Variants in SPTBN1 observed in about 807,000 individuals in gnomAD.
The protein encoded by SPTBN1 is spectrin beta, non-erythrocytic 1, also known as spectrin beta chain, non-erythrocytic 1.
In SPTBN1, 32 loss-of-function variants were observed where a neutral mutation model predicts 266.4. The observed-to-expected ratio is 0.12, with a 90% CI of 0.09 to 0.16. The LOEUF is 0.16. Ranked by LOEUF, SPTBN1 falls within the 10% of genes least tolerant of loss-of-function variation. SPTBN1 has a pLI of 1.00. For missense variants in SPTBN1, 2,296 were observed against 3,067.1 expected (o/e 0.75, Z 5.94); for synonymous variants, 1,336 against 1,162.2 (o/e 1.15, Z -3.04).
chr2:54,669,118 C>A lies in SPTBN1; in HGVS notation c.*549C>A. 1 of 154,054 alleles carries A rather than the reference C, an allele frequency of 6.5e-6. No individual in the cohort carries two copies. Among genetic ancestry groups the A allele is most frequent in the South Asian group, 2.0e-4 (1 of 4,988 alleles). The allele number at this position is 154,054 out of a possible 1,614,324, so 9.5% of individuals were successfully genotyped here. A position where few individuals can be genotyped will look rare whatever the true frequency, so the allele number is the denominator to read the frequency against. ...ACTCTACAGACCAAACCATTTGTATCTGGCATCACTTACTAACACACGACA... is the reference window on the plus strand; with the variant it reads ...ACTCTACAGACCAAACCATTTGTATATGGCATCACTTACTAACACACGACA... On this transcript the variant is annotated 3_prime_UTR_variant, in exon 36 of 36. Coordinates refer to ENST00000356805, the MANE Select transcript of SPTBN1 (RefSeq NM_003128.3).
At chr2:54,544,172 T>G (rs1672103490) in intron 2 of SPTBN1, among the ~76,000 whole-genome samples, 1 of 152,316 alleles carries the variant, frequency 6.6e-6, no homozygotes, top group African/African-American at 2.4e-5. Context: ...TGAATCAGGT[T>G]GTTGTTTACC....
At chr2:54,537,959 C>A (rs944983541) in intron 2 of SPTBN1, among the ~76,000 whole-genome samples, 2 of 152,200 alleles carry the variant, frequency 1.3e-5, no homozygotes, top group Non-Finnish European at 2.9e-5. Context: ...GCAGCTCTCC[C>A]TGGAACCACA....
At chr2:54,655,707 C>T (rs770611955) in intron 28 of SPTBN1, among the ~76,000 whole-genome samples, 23 of 152,232 alleles carry the variant, frequency 1.5e-4, no homozygotes, top group South Asian at 2.1e-4. Context: ...GCAGGGCTTC[C>T]GCGCCTTCCT....
At chr2:54,544,922 C>A (rs1003318639) in intron 2 of SPTBN1, among the ~76,000 whole-genome samples, 1 of 152,256 alleles carries the variant, frequency 6.6e-6, no homozygotes, top group Non-Finnish European at 1.5e-5. Context: ...ACTATCCCTC[C>A]ACCAGCCCCC....
At chr2:54,622,157 C>G in intron 8 of SPTBN1, 143 bp from the exon 9 acceptor site, 1 of 746,086 alleles carries the variant, frequency 1.3e-6, no homozygotes, top group East Asian at 2.7e-5. Context: ...ATGCTTGTGC[C>G]CAGGTACAGC....
intron 2 of SPTBN1, among the ~76,000 whole-genome samples, chr2:54,580,142 G>A (rs3796019): frequency 0.34 from 51,303 of 151,834 alleles, 11,094 homozygotes; most frequent in African/African-American, 0.63. Context: ...TCAAGCTTCC[G>A]GCCACACGGA....
At chr2:54,488,853 A>G (rs1668543480) in intron 1 of SPTBN1, among the ~76,000 whole-genome samples, 1 of 152,230 alleles carries the variant, frequency 6.6e-6, no homozygotes, top group African/African-American at 2.4e-5. Context: ...TAAAGAGACT[A>G]ATCTGAATAA....
chr2:54,558,017 C>G lies in SPTBN1; in HGVS notation c.148+31451C>G, dbSNP rs916091410. 1.0e-6 allele frequency: 1 copy of G among 985,446 alleles called. No individual in the cohort carries two copies. The highest frequency in any genetic ancestry group is 1.2e-6 in the Non-Finnish European group (1 of 829,926). The allele number at this position is 985,446 out of a possible 1,614,324, so 61.0% of individuals were successfully genotyped here. A position where few individuals can be genotyped will look rare whatever the true frequency, so the allele number is the denominator to read the frequency against. The stretch of plus-strand genomic sequence containing the variant: ...GAATGAGCCGCGCGGGCCCGGGACC[C>G]TTGGGGCTCTTCACTCTCCAGGCCG... On this transcript the variant is annotated intron_variant, in intron 2 of 35. Coordinates refer to ENST00000356805, the MANE Select transcript of SPTBN1 (RefSeq NM_003128.3). This position sits in a 1 kb window ranked among gnomAD's most constrained non-coding sequence, Gnocchi z 4.6.
intron 2 of SPTBN1, among the ~76,000 whole-genome samples, chr2:54,587,269 A>G (rs1482458696): frequency 6.6e-6 from 1 of 152,202 alleles, no homozygotes; most frequent in Non-Finnish European, 1.5e-5. Context: ...GTAGACTAGT[A>G]TAGAATGTAA....
rs781265305 is a variant in SPTBN1 at position 54,558,874 on chromosome 2, C to A, written c.148+32308C>A. ...ACTACAACCAGCTGGAAGGCAGATT[C>A]AAGCAGCTGCAAGGTAAGCCCCCTC... On this transcript the variant is annotated intron_variant, in intron 2 of 35. Coordinates refer to ENST00000356805, the MANE Select transcript of SPTBN1 (RefSeq NM_003128.3). The surrounding 1 kb of genome is among the most constrained non-coding windows in gnomAD (Gnocchi z 4.6). 1.2e-6 allele frequency: 2 copies of A among 1,613,584 alleles called. No individual in the cohort carries two copies. Among genetic ancestry groups the A allele is most frequent in the East Asian group, 2.2e-5 (1 of 44,826 alleles).
In SPTBN1 at chr2:54,617,706, A is replaced by G. The variant is rs1454078283; in HGVS notation, c.647+18A>G. 1.2e-6 allele frequency: 2 copies of G among 1,611,948 alleles called. No individual in the cohort carries two copies. The highest frequency in any genetic ancestry group is 2.7e-5 in the African/African-American group (2 of 74,872). On this transcript the variant is annotated intron_variant, in intron 6 of 35. Coordinates refer to ENST00000356805, the MANE Select transcript of SPTBN1 (RefSeq NM_003128.3). ...AAACACCGGTAAGTCCATACAAATCATCCTAGCAATCGTGGGGTAAAAGGT... is the reference window on the plus strand; with the variant it reads ...AAACACCGGTAAGTCCATACAAATCGTCCTAGCAATCGTGGGGTAAAAGGT...
At chr2:54,528,768 TA>T (rs981857178) in intron 2 of SPTBN1, 1 of 151,744 alleles carries the variant, frequency 6.6e-6, no homozygotes, top group African/African-American at 2.4e-5. Flanking sequence ...TCAAACATGT[TA>T]AAAAGATCTT....
intron 1 of SPTBN1, among the ~76,000 whole-genome samples, chr2:54,482,364 A>G (rs2103943898): frequency 1.3e-5 from 2 of 151,990 alleles, no homozygotes; most frequent in African/African-American, 4.8e-5. Flanking sequence ...CAGGAAAAAA[A>G]AAAAAAGAAA....
At chr2:54,642,529 G>GTTTTT (rs531997353) in intron 18 of SPTBN1, among the ~76,000 whole-genome samples, 2,736 of 92,196 alleles carry the variant, frequency 0.03, 89 homozygotes, top group African/African-American at 0.085. Context: ...TAAATAAGTA[G>GTTTTT]TTTTTTTTTT....
chr2:54,591,679 C>A (rs2104627903), intron 2 of SPTBN1, among the ~76,000 whole-genome samples: 1 of 152,326 alleles, frequency 6.6e-6, no homozygotes, highest in Non-Finnish European at 1.5e-5. Flanking sequence ...TGGCTCCCAT[C>A]CCTTTCCATA....
At chr2:54,569,307 G>A (rs1673896255) in intron 2 of SPTBN1, among the ~76,000 whole-genome samples, 1 of 152,110 alleles carries the variant, frequency 6.6e-6, no homozygotes. Flanking sequence ...TTCAAAGGCA[G>A]GGTTGAAGGT....
At chr2:54,660,311 T>TA in intron 32 of SPTBN1, 1 of 1,301,194 alleles carries the variant, frequency 7.7e-7, no homozygotes, top group East Asian at 3.0e-5. Flanking sequence ...GCTTTTTACT[T>TA]TATTAAGATT....
chr2:54,629,178 G>T lies in SPTBN1; in HGVS notation c.2044G>T (p.Ala682Ser), dbSNP rs767613378. ...SVMRLLSKHR[A>S]FEDEMSGRSG... ...CATGCGCCTGCTCAGCAAGCACCGG[G>T]CGTTCGAGGACGAGATGAGCGGCCG... The change falls in exon 14 of 36, where the codon GCG (alanine) becomes TCG (serine). Residue 682 changes from alanine (A) to serine (S), a missense_variant. Ala to Ser is a moderately conservative substitution (Grantham distance 99, BLOSUM62 1). Coordinates refer to ENST00000356805, the MANE Select transcript of SPTBN1 (RefSeq NM_003128.3). The T allele has an allele frequency of 6.2e-6, 10 of 1,613,496 alleles. No individual in the cohort carries two copies. Among genetic ancestry groups the T allele is most frequent in the Non-Finnish European group, 8.5e-6 (10 of 1,179,940 alleles).
intron 1 of SPTBN1, among the ~76,000 whole-genome samples, chr2:54,476,820 T>A (rs562609103): frequency 9.1e-4 from 138 of 152,356 alleles, no homozygotes; most frequent in Admixed American, 1.8e-3. Context: ...GCAAATCAAA[T>A]TGCAGGCAGT....
Sources: gnomAD v4.1 joint callset for allele counts (sites outside exome capture counted in the v4.1 genomes callset) on GRCh38, gnomAD v4.1.1 for gene constraint, Gnocchi (gnomAD v3.1) non-coding constraint, MANE v1.5 for transcripts, NCBI Gene and HGNC (gene_info 2026-07-23, HGNC 2026-07-21) for gene names.